The following FBXL17 variants were observed in gnomAD, a reference collection of about 807,000 sequenced individuals.
FBXL17 encodes the protein F-box and leucine rich repeat protein 17.
A neutral mutation model predicts 66.2 loss-of-function variants in FBXL17; 22 were observed. That is an observed-to-expected ratio of 0.33 (90% CI 0.24 to 0.47). The LOEUF (loss-of-function observed/expected upper bound fraction) is 0.47. Ranked by LOEUF, FBXL17 falls within the 20% of genes least tolerant of loss-of-function variation. The pLI, the probability that FBXL17 is intolerant of heterozygous loss-of-function variation, is 1.00. For missense variants in FBXL17, 878 were observed against 948.2 expected (o/e 0.93, Z 0.97); for synonymous variants, 474 against 400.5 (o/e 1.18, Z -2.19).
At chr5:108,141,592 G>GTTCTAT (rs1751352474) in intron 6 of FBXL17, among the ~76,000 whole-genome samples, 1 of 152,152 alleles carries the variant, frequency 6.6e-6, no homozygotes, top group Admixed American at 6.5e-5. Flanking sequence ...ATCTACAGGA[G>GTTCTAT]TTCTATTTCT....
chr5:108,303,944 T>C (rs1758718578), intron 4 of FBXL17, among the ~76,000 whole-genome samples: 1 of 151,972 alleles, frequency 6.6e-6, no homozygotes. Flanking sequence ...AAATAACTTT[T>C]AAGAGTATAA....
chr5:108,143,726 GAAAAAAAAAAAAA>G (rs67537467), intron 6 of FBXL17, among the ~76,000 whole-genome samples: 14 of 107,530 alleles, frequency 1.3e-4, no homozygotes, highest in Admixed American at 5.7e-4. Flanking sequence ...GTTTTCATGG[GAAAAAAAAAAAAA>G]AAAAAAAAAA....
At chr5:108,173,851 A>G (rs1032271464) in intron 6 of FBXL17, among the ~76,000 whole-genome samples, 11 of 152,210 alleles carry the variant, frequency 7.2e-5, no homozygotes, top group African/African-American at 2.2e-4. Flanking sequence ...GTGCTACAAC[A>G]CTGCTTCATA....
intron 6 of FBXL17, among the ~76,000 whole-genome samples, chr5:108,077,101 C>T (rs1414246210): frequency 6.6e-6 from 1 of 152,170 alleles, no homozygotes; most frequent in Non-Finnish European, 1.5e-5. Context: ...CCAATTCATA[C>T]AGGTATTGCA....
At chr5:108,378,674 T>G (rs115660082) in intron 1 of FBXL17, among the ~76,000 whole-genome samples, 1,937 of 152,278 alleles carry the variant, frequency 0.013, 22 homozygotes, top group Non-Finnish European at 0.021. Context: ...CTTAGAAATA[T>G]CTCTTCGTGG....
intron 5 of FBXL17, among the ~76,000 whole-genome samples, chr5:108,191,984 G>A (rs182476697): frequency 1.8e-3 from 277 of 152,234 alleles, no homozygotes; most frequent in Non-Finnish European, 2.1e-3. Context: ...AAATATGACA[G>A]TATCCAAAGG....
In FBXL17 at chr5:107,970,837, T is replaced by A. The variant is rs1433941569; in HGVS notation, c.1822+50088A>T. Among the ~76,000 whole-genome samples the A allele has an allele frequency of 2.0e-5, 3 of 152,182 alleles. No individual in the cohort carries two copies. The East Asian group carries it at 5.8e-4, about 29-fold the overall frequency. On this transcript the variant is annotated intron_variant, in intron 7 of 8. Transcript: ENST00000542267. Reference sequence around the variant, plus strand: ...CCTTCACCTGTTTTGCCAAGTTCCCTGCAGGTGCTCCCCGTGTTAGAAAAG... The same window carrying A: ...CCTTCACCTGTTTTGCCAAGTTCCCAGCAGGTGCTCCCCGTGTTAGAAAAG...
chr5:108,236,410 G>A (rs779891325), intron 4 of FBXL17, among the ~76,000 whole-genome samples: 6 of 151,700 alleles, frequency 4.0e-5, no homozygotes, highest in African/African-American at 1.2e-4. Context: ...CTACTCAGGA[G>A]GCTGAGGCAG....
In FBXL17 at chr5:108,221,519, CCT is replaced by C. The variant is rs370788185; in HGVS notation, c.1614+2600_1614+2601del. Among the ~76,000 whole-genome samples the C allele has an allele frequency of 2.8e-4, 43 of 152,214 alleles. No homozygotes were observed. In the South Asian group the frequency reaches 6.8e-3, roughly 24 times the overall value. On this transcript the variant is annotated intron_variant, in intron 5 of 8. Coordinates refer to ENST00000542267, the MANE Select transcript of FBXL17 (RefSeq NM_001163315.3). ...AGGTACAGAAATTTTATGCTCTTTG[CCT>C]CTCTCTTAGCAAACTTAGAAAGCCA... is the stretch of plus-strand genomic sequence containing the variant.
chr5:108,327,840 G>T (rs902813905), intron 4 of FBXL17, among the ~76,000 whole-genome samples: 1 of 152,158 alleles, frequency 6.6e-6, no homozygotes, highest in Non-Finnish European at 1.5e-5. Flanking sequence ...CAGTTGGGAA[G>T]TTAACAAGAG....
At chr5:107,864,429 C>G (rs1748216584) in intron 8 of FBXL17, among the ~76,000 whole-genome samples, 1 of 152,324 alleles carries the variant, frequency 6.6e-6, no homozygotes, top group African/African-American at 2.4e-5. Flanking sequence ...GTTTCTTGAG[C>G]AGATTCCAGA....
intron 6 of FBXL17, among the ~76,000 whole-genome samples, chr5:108,154,590 CAAAA>C (rs1162622917): frequency 4.8e-4 from 19 of 39,914 alleles, no homozygotes; most frequent in African/African-American, 1.2e-3. Context: ...AACTCAGTTT[CAAAA>C]AAAAAAAAAA....
chr5:108,064,464 G>A (rs1748041396), intron 6 of FBXL17, among the ~76,000 whole-genome samples: 1 of 152,096 alleles, frequency 6.6e-6, no homozygotes. Flanking sequence ...CAGGGATGGA[G>A]ATGCCAAGGG....
At chr5:108,097,661 CG>C (rs1463653555) in intron 6 of FBXL17, among the ~76,000 whole-genome samples, 1 of 151,824 alleles carries the variant, frequency 6.6e-6, no homozygotes, top group African/African-American at 2.4e-5. Context: ...TGGTGGTGCA[CG>C]CCTGTAATCC....
chr5:108,115,502 G>A (rs1347501958), intron 6 of FBXL17, among the ~76,000 whole-genome samples: 2 of 151,652 alleles, frequency 1.3e-5, no homozygotes, highest in African/African-American at 2.4e-5. Flanking sequence ...AAATTGGTGA[G>A]GTAGGCACTG....
At chr5:108,106,329 G>A (rs1450327032) in intron 6 of FBXL17, among the ~76,000 whole-genome samples, 1 of 152,166 alleles carries the variant, frequency 6.6e-6, no homozygotes, top group Non-Finnish European at 1.5e-5. Context: ...ATAAAATGGT[G>A]CAACCACTCT....
At chr5:107,887,811 C>T (rs1239814421) in intron 7 of FBXL17, among the ~76,000 whole-genome samples, 3 of 152,102 alleles carry the variant, frequency 2.0e-5, no homozygotes, top group East Asian at 1.9e-4. Flanking sequence ...AATCTGATTC[C>T]GGAGAAGCTA....
At chr5:108,172,119 T>C (rs529814506) in intron 6 of FBXL17, among the ~76,000 whole-genome samples, 1 of 152,306 alleles carries the variant, frequency 6.6e-6, no homozygotes, top group South Asian at 2.1e-4. Context: ...CTAATATAGA[T>C]GGTCTAAGAT....
At chr5:108,307,616 T>A (rs1348652297) in intron 4 of FBXL17, among the ~76,000 whole-genome samples, 3 of 152,004 alleles carry the variant, frequency 2.0e-5, no homozygotes, top group African/African-American at 7.2e-5. Context: ...CCATATTTTT[T>A]TTTGTTGTAT....
Sources: allele counts gnomAD v4.1 joint callset (sites outside exome capture counted in the v4.1 genomes callset), GRCh38; gene constraint gnomAD v4.1.1; transcripts MANE v1.5; gene names NCBI Gene and HGNC (gene_info 2026-07-23, HGNC 2026-07-21).